Variants in ENAM observed in about 807,000 individuals in gnomAD.
The protein encoded by ENAM is enamelin.
A neutral mutation model predicts 33.6 loss-of-function variants in ENAM; 21 were observed. The observed-to-expected ratio is 0.63, with a 90% CI of 0.44 to 0.90. The LOEUF (loss-of-function observed/expected upper bound fraction) is 0.90, where lower values mean the gene tolerates loss of function less well. Among genes scored for constraint, ENAM ranks in the 40% least tolerant of loss-of-function variants. ENAM has a pLI of 0.00. For synonymous variants in ENAM, 473 were observed against 468.4 expected (o/e 1.01, Z -0.13); for missense variants, 1,388 against 1,366.9 (o/e 1.02, Z -0.24).
At chr4:70,629,602 A>G (rs773833086) in intron 2 of ENAM, 48 bp downstream of exon 2, 5 of 1,317,644 alleles carry the variant, frequency 3.8e-6, no homozygotes, top group Non-Finnish European at 5.5e-6. Context: ...TTCTCAAACT[A>G]GATACTGTCA....
In ENAM at chr4:70,646,689, C is replaced by T. The variant is rs1202047357; in HGVS notation, c.*1834C>T. The T allele has an allele frequency of 6.6e-6, 1 of 151,464 alleles. No homozygotes were observed. Among genetic ancestry groups the T allele is most frequent in the Non-Finnish European group, 1.5e-5 (1 of 68,008 alleles). The allele number at this position is 151,464 out of a possible 1,614,324, so 9.4% of individuals were successfully genotyped here. On this transcript the variant is annotated 3_prime_UTR_variant, in exon 9 of 9. Coordinates refer to ENST00000396073, the MANE Select transcript of ENAM (RefSeq NM_031889.3). Reference sequence around the variant, plus strand: ...CTTAGAGGTAGATTATCCAGGCCATCCCCTACTGCTTACATTCCCCTCCCC... The same window carrying T: ...CTTAGAGGTAGATTATCCAGGCCATTCCCTACTGCTTACATTCCCCTCCCC...
At chr4:70,630,872 G>A (rs192518123) in intron 2 of ENAM, among the ~76,000 whole-genome samples, 230 of 152,086 alleles carry the variant, frequency 1.5e-3, no homozygotes, top group Non-Finnish European at 1.3e-3. Flanking sequence ...CTCCCAAGTG[G>A]CTGGTATTAC....
At chr4:70,640,051 T>C (rs1043616932) in intron 8 of ENAM, among the ~76,000 whole-genome samples, 9 of 152,206 alleles carry the variant, frequency 5.9e-5, no homozygotes, top group African/African-American at 1.9e-4. Context: ...AATCAAATGA[T>C]CTAAATGCCA....
At chr4:70,639,682 C>A (rs1451338218) in intron 8 of ENAM, among the ~76,000 whole-genome samples, 3 of 152,180 alleles carry the variant, frequency 2.0e-5, no homozygotes, top group Non-Finnish European at 4.4e-5. Context: ...ACAGGAGGAT[C>A]ACTTAAGCCC....
chr4:70,638,874 C>T (rs1445488263), intron 8 of ENAM, among the ~76,000 whole-genome samples: 1 of 151,246 alleles, frequency 6.6e-6, no homozygotes, highest in Non-Finnish European at 1.5e-5. Flanking sequence ...CTCACTGCAA[C>T]CTCCACCTTC....
chr4:70,635,089 C>T (rs544595271), intron 6 of ENAM, among the ~76,000 whole-genome samples: 11 of 152,208 alleles, frequency 7.2e-5, no homozygotes, highest in Non-Finnish European at 1.3e-4. Context: ...AAAATACTGG[C>T]TTTTAGGCCG....
chr4:70,635,840 A>G lies in ENAM; in HGVS notation c.480A>G (p.Pro160=). The G allele has an allele frequency of 6.2e-7, 1 of 1,603,130 alleles. No homozygotes were observed. The highest frequency in any genetic ancestry group is 2.2e-5 in the East Asian group (1 of 44,730). Residue 160 remains proline, a synonymous_variant, in exon 7 of 9, where the codon CCA becomes CCG. Transcript: ENST00000396073. ...EEEAQPPQAF[P]PFGNGLFPYQ... ...TCTTTCTTTCTCTCTAGGCATTCCCACCATTTGGAAATGGGCTATTCCCCT... is the reference window on the plus strand; with the variant it reads ...TCTTTCTTTCTCTCTAGGCATTCCCGCCATTTGGAAATGGGCTATTCCCCT...
In ENAM at chr4:70,642,748, T is replaced by C. The variant is rs774024172; in HGVS notation, c.1322T>C (p.Leu441Pro). 2.5e-6 allele frequency: 4 copies of C among 1,609,274 alleles called. 1 individual carries two copies. The South Asian group carries it at 4.4e-5, about 18-fold the overall frequency. The change falls in exon 9 of 9, where the codon CTG becomes CCG. Residue 441 changes from leucine to proline, a missense_variant. Coordinates refer to ENST00000396073, the MANE Select transcript of ENAM (RefSeq NM_031889.3). ...EKIQNPKEKP[L>P]GPKEQIIVPT... ...ATCCAAAATCCAAAGGAGAAGCCCC[T>C]GGGTCCAAAAGAACAAATAATAGTT...
At chr4:70,638,446 GTTC>G (rs1738513439) in intron 8 of ENAM, among the ~76,000 whole-genome samples, 1 of 85,778 alleles carries the variant, frequency 1.2e-5, no homozygotes, top group Non-Finnish European at 2.1e-5. Context: ...GCGACAGATT[GTTC>G]TTTTTTTTTT....
In ENAM at chr4:70,635,865, T is replaced by C. The variant is rs771161236; in HGVS notation, c.505T>C (p.Tyr169His). The C allele has an allele frequency of 1.2e-6, 2 of 1,609,016 alleles. No homozygotes were observed. Among genetic ancestry groups the C allele is most frequent in the South Asian group, 1.1e-5 (1 of 90,558 alleles). The change falls in exon 7 of 9, where the codon TAT becomes CAT. Residue 169 changes from tyrosine to histidine, a missense_variant. Physicochemically the swap from Tyr to His is moderately conservative, Grantham distance 83. Coordinates refer to ENST00000396073, the MANE Select transcript of ENAM (RefSeq NM_031889.3). ...FPPFGNGLFP[Y>H]QQPPWQIPQR... ...ACCATTTGGAAATGGGCTATTCCCC[T>C]ATCAACAACCACCATGGCAAATTCC...
At chr4:70,638,522 T>C (rs567965179) in intron 8 of ENAM, among the ~76,000 whole-genome samples, 121 of 137,874 alleles carry the variant, frequency 8.8e-4, no homozygotes, top group African/African-American at 3.2e-3. Context: ...GAGGTTGCAG[T>C]GAGCCATAGC....
rs771999287 is a variant in ENAM at position 70,629,459 on chromosome 4, C to A, written c.-42C>A. 4 of 1,456,642 alleles carry A rather than the reference C, an allele frequency of 2.7e-6. No individual in the cohort carries two copies. The highest frequency in any genetic ancestry group is 2.9e-6 in the Non-Finnish European group (3 of 1,036,558). 90.2% of individuals were successfully genotyped at this position (1,456,642 alleles called of 1,614,324 possible). Reference sequence around the variant, plus strand: ...ATTTTAGTTTCTTCTCAGGTTAAAGCTGTATTTTTCTTAAAGGCTTATAAA... The same window carrying A: ...ATTTTAGTTTCTTCTCAGGTTAAAGATGTATTTTTCTTAAAGGCTTATAAA... On this transcript the variant is annotated 5_prime_UTR_variant, in exon 2 of 9. It adds an upstream start codon to the 5' untranslated region. Coordinates refer to ENST00000396073, the MANE Select transcript of ENAM (RefSeq NM_031889.3).
At chr4:70,636,033 A>G in intron 7 of ENAM, 139 bp downstream of exon 7, 2 of 490,192 alleles carry the variant, frequency 4.1e-6, no homozygotes, top group East Asian at 6.6e-5. Context: ...CCAGTGCATC[A>G]GTAATCATGC....
chr4:70,645,230 T>C lies in ENAM; in HGVS notation c.*375T>C. On this transcript the variant is annotated 3_prime_UTR_variant, in exon 9 of 9. Coordinates refer to ENST00000396073, the MANE Select transcript of ENAM (RefSeq NM_031889.3). ...ACTGAAAGGCAGATTAACTTTCCATTCTACTTATGGAGATCCACACATCAG... is the reference window on the plus strand; with the variant it reads ...ACTGAAAGGCAGATTAACTTTCCATCCTACTTATGGAGATCCACACATCAG... 1 of 293,360 alleles carries C rather than the reference T, an allele frequency of 3.4e-6. No homozygotes were observed. Among genetic ancestry groups the C allele is most frequent in the Non-Finnish European group, 6.3e-6 (1 of 158,344 alleles). The allele number at this position is 293,360 out of a possible 1,614,324, so 18.2% of individuals were successfully genotyped here. A position where few individuals can be genotyped will look rare whatever the true frequency, so the allele number is the denominator to read the frequency against.
intron 2 of ENAM, 92 bp from the exon 3 acceptor site, chr4:70,631,578 A>G: frequency 1.0e-6 from 1 of 954,902 alleles, no homozygotes. Flanking sequence ...ACTCTCCTTG[A>G]CAGACAAGTA....
chr4:70,629,355 G>T, intron 1 of ENAM, 86 bp from the exon 2 acceptor site: 1 of 737,834 alleles, frequency 1.4e-6, no homozygotes, highest in South Asian at 1.5e-5. Flanking sequence ...GGTATGACTG[G>T]ATAAAATAAT....
At position 70,644,412 on chromosome 4, in the gene ENAM, A is replaced by C; in HGVS notation, c.2986A>C (p.Asn996His). The part of the protein sequence containing the change: ...LKNDLGGDGN[N>H]ILEQVFEDNQ... ...AAATGATCTTGGAGGAGATGGGAAC[A>C]ACATTCTGGAACAAGTTTTTGAAGA... is the stretch of plus-strand genomic sequence containing the variant. The change falls in exon 9 of 9, where the codon AAC (asparagine) becomes CAC (histidine). Residue 996 changes from asparagine (N) to histidine (H), a missense_variant. Physicochemically the swap from Asn to His is moderately conservative, Grantham distance 68. Coordinates refer to ENST00000396073, the MANE Select transcript of ENAM (RefSeq NM_031889.3). 3 of 1,614,212 alleles carry C rather than the reference A, an allele frequency of 1.9e-6. No individual in the cohort carries two copies. The highest frequency in any genetic ancestry group is 1.7e-6 in the Non-Finnish European group (2 of 1,180,028).
chr4:70,643,494 C>T lies in ENAM; in HGVS notation c.2068C>T (p.Gln690Ter), dbSNP rs1738665336. The change falls in exon 9 of 9, where the codon CAA becomes TAA. Residue 690 changes from glutamine to a stop codon, truncating the protein, a stop_gained. Transcript: ENST00000396073. LOFTEE classifies it low-confidence loss of function (END_TRUNC). ...AACAGTTAGGCACTATGAAGGTGAACAATATACCTCAAATCAGCCAAAGGA... is the reference window on the plus strand; with the variant it reads ...AACAGTTAGGCACTATGAAGGTGAATAATATACCTCAAATCAGCCAAAGGA... ...GPTVRHYEGEQYTSNQPKEYL... is the reference protein window; with the variant it reads ...GPTVRHYEGE 6.2e-7 allele frequency: 1 copy of T among 1,613,974 alleles called. No homozygotes were observed. Among genetic ancestry groups the T allele is most frequent in the South Asian group, 1.1e-5 (1 of 91,086 alleles).
Position 70,642,950 on chromosome 4 carries a change from T to C in ENAM, c.1524T>C (p.Asp508=). 4 of 1,614,148 alleles carry C rather than the reference T, an allele frequency of 2.5e-6. No homozygotes were observed. The highest frequency in any genetic ancestry group is 3.4e-6 in the Non-Finnish European group (4 of 1,180,002). The change falls in exon 9 of 9, where the codon GAT becomes GAC. Residue 508 remains aspartate, a synonymous_variant. Coordinates refer to ENST00000396073, the MANE Select transcript of ENAM (RefSeq NM_031889.3). ...ATTCCAGAAAAGTCCCAAATTCTGA[T>C]GGACAAACCCAAAGCCAGAATTTGC... is the stretch of plus-strand genomic sequence containing the variant. ...RGDSRKVPNS[D]GQTQSQNLPK... is the part of the protein sequence containing the mutation.
Sources: allele counts gnomAD v4.1 joint callset (sites outside exome capture counted in the v4.1 genomes callset), GRCh38; gene constraint gnomAD v4.1.1; transcripts MANE v1.5; gene names NCBI Gene and HGNC (gene_info 2026-07-23, HGNC 2026-07-21).